The following PCDHA1 variants were observed in gnomAD, a reference collection of about 807,000 sequenced individuals.
The protein encoded by PCDHA1 is protocadherin alpha 1, also known as protocadherin alpha-1.
PCDHA1 carries 42 observed loss-of-function variants against 61.3 expected under a neutral mutation model. The observed-to-expected ratio is 0.69, with a 90% confidence interval of 0.54 to 0.89. PCDHA1 has a LOEUF of 0.89. Ranked by LOEUF, PCDHA1 falls within the 40% of genes least tolerant of loss-of-function variation. The pLI, the probability that PCDHA1 is intolerant of heterozygous loss-of-function variation, is 0.00. For missense variants in PCDHA1, 1,256 were observed against 1,235.3 expected (o/e 1.02, Z -0.25); for synonymous variants, 610 against 553.8 (o/e 1.10, Z -1.43).
chr5:140,881,269 GAAGT>G (rs1235494766), intron 1 of PCDHA1: 1 of 648,656 alleles, frequency 1.5e-6, no homozygotes, highest in African/African-American at 2.0e-5. Context: ...CAGTGATGAT[GAAGT>G]AAGATGGAGA....
intron 1 of PCDHA1, chr5:140,804,940 C>A: frequency 1.7e-6 from 2 of 1,197,496 alleles, no homozygotes; most frequent in Non-Finnish European, 2.2e-6. Flanking sequence ...TCCTTTGTTG[C>A]TCCCTTGTCC....
intron 1 of PCDHA1, chr5:140,858,571 C>T: frequency 7.3e-7 from 1 of 1,362,320 alleles, no homozygotes. Flanking sequence ...CTAGTGATAC[C>T]TTTGTAATAT....
intron 1 of PCDHA1, among the ~76,000 whole-genome samples, chr5:140,952,723 A>G (rs979234260): frequency 6.6e-6 from 1 of 152,168 alleles, no homozygotes; most frequent in Non-Finnish European, 1.5e-5. Flanking sequence ...AATTTTCTGT[A>G]CTAGTCTTTT....
chr5:140,788,420 G>A lies in PCDHA1; in HGVS notation c.2130G>A (p.Leu710=). The change falls in exon 1 of 4, where the codon CTG becomes CTA. Residue 710 remains leucine, a synonymous_variant. Coordinates refer to ENST00000504120, the MANE Select transcript of PCDHA1 (RefSeq NM_018900.4). ...LIIAICAVSS[L]LVLTLLLYTA... The stretch of plus-strand genomic sequence containing the variant: ...TCGCCATCTGCGCGGTGTCCAGCCT[G>A]CTGGTGCTCACACTGCTGCTGTACA... 4 of 1,614,116 alleles carry A rather than the reference G, an allele frequency of 2.5e-6. No homozygotes were observed. In the South Asian group the frequency reaches 3.3e-5, roughly 13 times the overall value.
chr5:140,809,198 G>T, intron 1 of PCDHA1: 1 of 1,614,074 alleles, frequency 6.2e-7, no homozygotes, highest in Non-Finnish European at 8.5e-7. Flanking sequence ...GTCACTTGTG[G>T]AGAGTGGACA....
intron 1 of PCDHA1, chr5:140,851,160 A>G: frequency 7.7e-7 from 1 of 1,297,140 alleles, no homozygotes; most frequent in Non-Finnish European, 9.9e-7. Context: ...TTCTGATGCT[A>G]TGCTGCCATA....
At chr5:140,892,707 G>A (rs958500270) in intron 1 of PCDHA1, among the ~76,000 whole-genome samples, 1 of 152,136 alleles carries the variant, frequency 6.6e-6, no homozygotes, top group African/African-American at 2.4e-5. Flanking sequence ...AGGGTAATTA[G>A]CATATTCATA....
intron 1 of PCDHA1, chr5:140,864,741 C>T (rs1031120106): frequency 1.1e-4 from 17 of 151,978 alleles, no homozygotes; most frequent in Admixed American, 3.3e-4. Flanking sequence ...CTTTGAGCAC[C>T]GATTATACTC....
intron 3 of PCDHA1, among the ~76,000 whole-genome samples, chr5:140,996,992 T>A (rs565740982): frequency 3.9e-5 from 6 of 152,324 alleles, no homozygotes; most frequent in African/African-American, 1.4e-4. Flanking sequence ...CAACCACTGT[T>A]AACAATTTTG....
At position 140,885,065 on chromosome 5, in the gene PCDHA1, T is replaced by TA. The variant is rs1440762512; in HGVS notation, c.2395-93883dup. ...TTAATGTATACATATACCCACAAGATATTATTTTAAAGAGCCCCATAACTT... is the reference window on the plus strand; with the variant it reads ...TTAATGTATACATATACCCACAAGATAATTATTTTAAAGAGCCCCATAACTT... On this transcript the variant is annotated intron_variant, in intron 1 of 3. Coordinates refer to ENST00000504120, the MANE Select transcript of PCDHA1 (RefSeq NM_018900.4). Among the ~76,000 whole-genome samples the TA allele has an allele frequency of 7.2e-5, 11 of 152,294 alleles. 1 individual carries two copies. Among genetic ancestry groups the TA allele is most frequent in the African/African-American group, 2.6e-4 (11 of 41,580 alleles).
intron 1 of PCDHA1, among the ~76,000 whole-genome samples, chr5:140,837,930 T>G (rs1775322369): frequency 6.6e-6 from 1 of 151,780 alleles, no homozygotes. Flanking sequence ...CCTCCTACCT[T>G]GGCCTCCCAA....
chr5:140,877,087 G>C lies in PCDHA1; in HGVS notation c.2394+88403G>C. On this transcript the variant is annotated intron_variant, in intron 1 of 3. Transcript: ENST00000504120. ...GCTGCAGTTCCAGGTGAGCGCGCGC[G>C]ACGCCGGCGTGCCGCCTCTGGGCAG... 2.5e-6 allele frequency: 4 copies of C among 1,613,212 alleles called. No homozygotes were observed. The South Asian group carries it at 3.3e-5, about 13-fold the overall frequency.
chr5:140,857,220 A>C (rs1554149674), intron 1 of PCDHA1: 1 of 1,598,480 alleles, frequency 6.3e-7, no homozygotes, highest in Admixed American at 1.7e-5. Flanking sequence ...CTGACGCCTC[A>C]CGTTCCGTTC....
Position 140,788,258 on chromosome 5 carries a change from G to T in PCDHA1, c.1968G>T (p.Glu656Asp), listed in dbSNP as rs1761452281. Reference protein sequence around the residue: ...RLLVLVKDHGEPALTATATVL... With the variant: ...RLLVLVKDHGDPALTATATVL... ...TGGTGCTAGTGAAGGATCACGGTGA[G>T]CCGGCGCTGACAGCCACGGCCACTG... The change falls in exon 1 of 4, where the codon GAG (glutamate) becomes GAT (aspartate). Residue 656 changes from glutamate (E) to aspartate (D), a missense_variant. Coordinates refer to ENST00000504120, the MANE Select transcript of PCDHA1 (RefSeq NM_018900.4). 1 of 1,613,954 alleles carries T rather than the reference G, an allele frequency of 6.2e-7. No homozygotes were observed. The highest frequency in any genetic ancestry group is 2.2e-5 in the East Asian group (1 of 44,876).
rs1186783375 is a variant in PCDHA1, at chr5:140,786,357, G to T, written c.67G>T (p.Ala23Ser). The change falls in exon 1 of 4, where the codon GCC (alanine) becomes TCC (serine). Residue 23 changes from alanine (A) to serine (S), a missense_variant. By Grantham distance (99) the Ala-to-Ser change is moderately conservative. Coordinates refer to ENST00000504120, the MANE Select transcript of PCDHA1 (RefSeq NM_018900.4). ...GCTTCTTTGGCTTCTGCTCCTCGCA[G>T]CCTGGGAGGTGGGGAGCGGCCAGCT... ...DLLLWLLLLA[A>S]WEVGSGQLHY... 1.2e-6 allele frequency: 2 copies of T among 1,613,816 alleles called. No homozygotes were observed. The highest frequency in any genetic ancestry group is 2.7e-5 in the African/African-American group (2 of 74,934).
intron 1 of PCDHA1, chr5:140,807,442 T>G: frequency 6.2e-7 from 1 of 1,603,674 alleles, no homozygotes; most frequent in Non-Finnish European, 8.5e-7. Context: ...GCATTTTGTT[T>G]GTGAATTCTC....
intron 1 of PCDHA1, among the ~76,000 whole-genome samples, chr5:140,902,554 A>AT (rs1414683182): frequency 6.6e-6 from 1 of 151,896 alleles, no homozygotes; most frequent in East Asian, 1.9e-4. Context: ...CTATACCCAG[A>AT]TTTTTGAGGG....
In PCDHA1 at chr5:140,850,851, A is replaced by G. The variant is rs1052562243; in HGVS notation, c.2394+62167A>G. On this transcript the variant is annotated intron_variant, in intron 1 of 3. Transcript: ENST00000504120. ...TCCTTGTGCTGGATCTACAGAGCGA[A>G]CGGGAGAACCCTCTGCTTCCTCAGA... The G allele has an allele frequency of 3.1e-6, 5 of 1,595,924 alleles. No homozygotes were observed. Among genetic ancestry groups the G allele is most frequent in the Non-Finnish European group, 3.4e-6 (4 of 1,165,934 alleles).
chr5:140,943,742 T>C (rs1326111617), intron 1 of PCDHA1, among the ~76,000 whole-genome samples: 2 of 152,200 alleles, frequency 1.3e-5, no homozygotes, highest in Non-Finnish European at 2.9e-5. Context: ...GTCCACAGTC[T>C]AAAAGCAGTA....
Sources: allele counts gnomAD v4.1 joint callset (sites outside exome capture counted in the v4.1 genomes callset), GRCh38; gene constraint gnomAD v4.1.1; transcripts MANE v1.5; gene names NCBI Gene and HGNC (gene_info 2026-07-23, HGNC 2026-07-21).